CSMD3: variants seen among roughly 807,000 people sequenced by gnomAD.
The protein encoded by CSMD3 is CUB and Sushi multiple domains 3, also known as CUB and sushi domain-containing protein 3.
A neutral mutation model predicts 435.2 loss-of-function variants in CSMD3; 177 were observed. The observed-to-expected ratio is 0.41, with a 90% CI of 0.36 to 0.46. The LOEUF is 0.46. Among genes scored for constraint, CSMD3 ranks in the 20% least tolerant of loss-of-function variants. The pLI, the probability that CSMD3 is intolerant of heterozygous loss-of-function variation, is 0.34. For synonymous variants in CSMD3, 1,656 were observed against 1,520.5 expected (o/e 1.09, Z -2.07); for missense variants, 4,265 against 4,504.6 (o/e 0.95, Z 1.52).
intron 21 of CSMD3, among the ~76,000 whole-genome samples, chr8:112,637,943 A>T (rs2074707419): frequency 6.6e-6 from 1 of 151,896 alleles, no homozygotes; most frequent in Non-Finnish European, 1.5e-5. Context: ...GCAAGTTGGC[A>T]TAAGATTTAC....
At chr8:112,727,558 T>A (rs2131996471) in intron 13 of CSMD3, among the ~76,000 whole-genome samples, 1 of 151,920 alleles carries the variant, frequency 6.6e-6, no homozygotes, top group South Asian at 2.1e-4. Flanking sequence ...GGCATAATTT[T>A]CTTTCTCAGT....
At chr8:112,792,249 T>C (rs2078709763) in intron 13 of CSMD3, among the ~76,000 whole-genome samples, 1 of 152,188 alleles carries the variant, frequency 6.6e-6, no homozygotes, top group Non-Finnish European at 1.5e-5. Context: ...TAAAATTCCA[T>C]AGCCTGAGCA....
intron 1 of CSMD3, among the ~76,000 whole-genome samples, chr8:113,379,297 AAC>A (rs1279752100): frequency 1.3e-5 from 2 of 152,122 alleles, no homozygotes; most frequent in African/African-American, 4.8e-5. Context: ...AATTAAAAAA[AAC>A]ACACACACAC....
At chr8:113,044,316 G>A (rs1358555686) in intron 5 of CSMD3, among the ~76,000 whole-genome samples, 1 of 127,350 alleles carries the variant, frequency 7.9e-6, no homozygotes, top group Non-Finnish European at 1.9e-5. Flanking sequence ...ATTTTTAATA[G>A]GAATTTACTT....
chr8:112,580,497 A>T (rs1391794513), intron 23 of CSMD3, among the ~76,000 whole-genome samples: 1 of 150,356 alleles, frequency 6.7e-6, no homozygotes, highest in Admixed American at 6.7e-5. Context: ...TTCTATCTGG[A>T]GCCCAGAAAG....
intron 4 of CSMD3, among the ~76,000 whole-genome samples, chr8:113,119,372 G>A (rs902217424): frequency 6.6e-6 from 1 of 152,064 alleles, no homozygotes; most frequent in Admixed American, 6.6e-5. Flanking sequence ...CTATTTTATA[G>A]GAGAGAAAAT....
intron 1 of CSMD3, among the ~76,000 whole-genome samples, chr8:113,429,254 T>C (rs1199631626): frequency 6.6e-6 from 1 of 151,682 alleles, no homozygotes; most frequent in Middle Eastern, 3.2e-3. Context: ...ATATATATCA[T>C]GTGAAAAAAT....
Position 112,380,242 on chromosome 8 carries a change from A to G in CSMD3, c.6136+110T>C, listed in dbSNP as rs979891535. On this transcript the variant is annotated intron_variant, in intron 38 of 70. Transcript: ENST00000297405. The stretch of plus-strand genomic sequence containing the variant: ...GTTCAAACTTTCAAGAAAATAAGAC[A>G]ATGTTTTCTTTGAGAAAGTTGCTAT... The G allele has an allele frequency of 4.9e-6, 3 of 606,070 alleles. No individual in the cohort carries two copies. In the African/African-American group the frequency reaches 5.6e-5, roughly 11 times the overall value. 37.5% of individuals were successfully genotyped at this position (606,070 alleles called of 1,614,324 possible).
intron 38 of CSMD3, among the ~76,000 whole-genome samples, chr8:112,369,275 T>G (rs1480008476): frequency 6.6e-6 from 1 of 152,110 alleles, no homozygotes; most frequent in Non-Finnish European, 1.5e-5. Flanking sequence ...TTTAAAAATA[T>G]AAACTTTTAG....
intron 27 of CSMD3, among the ~76,000 whole-genome samples, chr8:112,532,575 T>A (rs1825644630): frequency 6.6e-6 from 1 of 151,972 alleles, no homozygotes; most frequent in South Asian, 2.1e-4. Flanking sequence ...GGCAAAAAAA[T>A]TTCTAACCAA....
intron 2 of CSMD3, among the ~76,000 whole-genome samples, chr8:113,286,108 C>T (rs575255358): frequency 1.1e-4 from 16 of 152,164 alleles, no homozygotes; most frequent in African/African-American, 3.6e-4. Flanking sequence ...ACATACACCT[C>T]CAACCCCATC....
At chr8:113,367,399 TTAAG>T (rs1330393404) in intron 1 of CSMD3, among the ~76,000 whole-genome samples, 2 of 152,186 alleles carry the variant, frequency 1.3e-5, no homozygotes, top group East Asian at 3.9e-4. Flanking sequence ...TTTTAATATT[TTAAG>T]TATTTATAAG....
chr8:112,691,320 T>C (rs2076132781), intron 13 of CSMD3, among the ~76,000 whole-genome samples: 1 of 152,178 alleles, frequency 6.6e-6, no homozygotes, highest in Non-Finnish European at 1.5e-5. Context: ...ACTTTTTTCT[T>C]CTGCTCTTCA....
intron 4 of CSMD3, among the ~76,000 whole-genome samples, chr8:113,166,448 T>C (rs543163175): frequency 6.6e-6 from 1 of 152,246 alleles, no homozygotes; most frequent in African/African-American, 2.4e-5. Context: ...GAGGTTGCAG[T>C]GAGCTGAGAT....
intron 27 of CSMD3, among the ~76,000 whole-genome samples, chr8:112,539,550 T>C (rs1826464751): frequency 6.6e-6 from 1 of 151,992 alleles, no homozygotes; most frequent in African/African-American, 2.4e-5. Flanking sequence ...ATCAAGACAG[T>C]GTGATACTGA....
chr8:112,920,307 T>C (rs1000814817), intron 10 of CSMD3, among the ~76,000 whole-genome samples: 5 of 151,778 alleles, frequency 3.3e-5, no homozygotes, highest in East Asian at 3.9e-4. Flanking sequence ...TTCCTACAAG[T>C]GGTCACAAGC....
intron 4 of CSMD3, among the ~76,000 whole-genome samples, chr8:113,126,709 C>A (rs960887210): frequency 6.6e-6 from 1 of 151,898 alleles, no homozygotes; most frequent in Non-Finnish European, 1.5e-5. Context: ...CTATACCACT[C>A]CTTTTTTATG....
chr8:112,710,041 C>A (rs1460778108), intron 13 of CSMD3, among the ~76,000 whole-genome samples: 1 of 152,038 alleles, frequency 6.6e-6, no homozygotes, highest in Non-Finnish European at 1.5e-5. Flanking sequence ...TAAAATATAA[C>A]CATCTAGGAA....
intron 1 of CSMD3, among the ~76,000 whole-genome samples, chr8:113,393,820 T>C (rs1551957): frequency 0.71 from 108,364 of 151,948 alleles, 38,891 homozygotes; most frequent in East Asian, 0.94. Context: ...TGCTCCTTAA[T>C]TTTATTTTTT....
Sources: allele counts gnomAD v4.1 joint callset (sites outside exome capture counted in the v4.1 genomes callset), GRCh38; gene constraint gnomAD v4.1.1; transcripts MANE v1.5; gene names NCBI Gene and HGNC (gene_info 2026-07-23, HGNC 2026-07-21).